Variants in EOGT observed in about 807,000 individuals in gnomAD.
EOGT encodes EGF domain-specific O-linked N-acetylglucosamine transferase.
A neutral mutation model predicts 70.5 loss-of-function variants in EOGT; 55 were observed. The observed-to-expected ratio is 0.78, with a 90% confidence interval of 0.63 to 0.98. The LOEUF (loss-of-function observed/expected upper bound fraction) is 0.98, where lower values mean the gene tolerates loss of function less well. Among genes scored for constraint, EOGT ranks in the 50% least tolerant of loss-of-function variants. The pLI is 0.00. For synonymous variants in EOGT, 246 were observed against 217.1 expected, an observed-to-expected ratio of 1.13 and a Z score of -1.17; for missense variants, 703 against 641.9, an observed-to-expected ratio of 1.10 and a Z score of -1.03.
intron 17 of EOGT, 140 bp from the exon 18 acceptor site, chr3:68,977,904 C>T (rs1378710212): frequency 1.3e-6 from 1 of 798,862 alleles, no homozygotes; most frequent in African/African-American, 1.8e-5. Flanking sequence ...CTGATAAGGG[C>T]CAGATGATAA....
chr3:68,982,880 A>T lies in EOGT; in HGVS notation c.1153-8T>A, dbSNP rs777351278. The T allele has an allele frequency of 6.3e-7, 1 of 1,597,324 alleles. No homozygotes were observed. Among genetic ancestry groups the T allele is most frequent in the Admixed American group, 1.7e-5 (1 of 58,092 alleles). On this transcript the variant is annotated splice_polypyrimidine_tract_variant and splice_region_variant and intron_variant, in intron 14 of 17. Coordinates refer to ENST00000383701, the MANE Select transcript of EOGT (RefSeq NM_001278689.2). ...TTTCAGTGCATTTACAAGCTGGGAA[A>T]AAAAGAGAAACATTTAGCATTTCTT...
At position 68,992,905 on chromosome 3, in the gene EOGT, C is replaced by T. The variant is rs2091035952; in HGVS notation, c.832-3888G>A. Among the ~76,000 whole-genome samples, 3 of 152,356 alleles carry T rather than the reference C, an allele frequency of 2.0e-5. 1 individual carries two copies. The South Asian group carries it at 6.2e-4, about 32-fold the overall frequency. On this transcript the variant is annotated intron_variant, in intron 10 of 17. Coordinates refer to ENST00000383701, the MANE Select transcript of EOGT (RefSeq NM_001278689.2). ...TTGGGGCTTCCACCCTCTGAAGCCACAGCCTGAGCTGTACATTGGCTCCTT... is the reference window on the plus strand; with the variant it reads ...TTGGGGCTTCCACCCTCTGAAGCCATAGCCTGAGCTGTACATTGGCTCCTT...
chr3:69,011,428 C>A (rs2091572852), intron 3 of EOGT, among the ~76,000 whole-genome samples: 1 of 151,306 alleles, frequency 6.6e-6, no homozygotes, highest in South Asian at 2.1e-4. Context: ...GAGTTCGAGA[C>A]CAGCTTGGGC....
intron 14 of EOGT, among the ~76,000 whole-genome samples, chr3:68,984,492 A>T (rs1034640327): frequency 5.3e-5 from 8 of 152,194 alleles, no homozygotes; most frequent in Non-Finnish European, 1.0e-4. Flanking sequence ...TGGCTATTCA[A>T]ACCCTAAAGT....
At chr3:69,004,263 G>T in intron 8 of EOGT, 115 bp downstream of exon 8, 1 of 760,218 alleles carries the variant, frequency 1.3e-6, no homozygotes, top group Non-Finnish European at 2.2e-6. Flanking sequence ...AGAAGCTCAT[G>T]CCAAATTATG....
At chr3:68,982,758 G>T in intron 15 of EOGT, 53 bp downstream of exon 15, 1 of 1,398,218 alleles carries the variant, frequency 7.2e-7, no homozygotes. Flanking sequence ...TAGCCCCCTT[G>T]ACCTCATCCA....
At chr3:68,985,234 G>A (rs2033773) in intron 14 of EOGT, among the ~76,000 whole-genome samples, 1 of 151,892 alleles carries the variant, frequency 6.6e-6, no homozygotes, top group Non-Finnish European at 1.5e-5. Flanking sequence ...TGATACGTTC[G>A]TATTTCTAGG....
intron 16 of EOGT, among the ~76,000 whole-genome samples, chr3:68,979,260 G>T (rs2090563312): frequency 6.6e-6 from 1 of 152,200 alleles, no homozygotes; most frequent in African/African-American, 2.4e-5. Flanking sequence ...CTGTGTATGG[G>T]ATCAGCAAGC....
chr3:68,990,211 C>T (rs2090951068), intron 10 of EOGT, among the ~76,000 whole-genome samples: 1 of 152,112 alleles, frequency 6.6e-6, no homozygotes, highest in Non-Finnish European at 1.5e-5. Flanking sequence ...GAAACTGAGA[C>T]ACAATTTTAA....
intron 10 of EOGT, among the ~76,000 whole-genome samples, chr3:68,993,373 G>A (rs1004609174): frequency 6.6e-5 from 10 of 152,032 alleles, no homozygotes; most frequent in Non-Finnish European, 1.2e-4. Flanking sequence ...TCTAGGGCAC[G>A]GCAAAATGCT....
At chr3:69,013,205 T>C (rs1054081985) in intron 1 of EOGT, among the ~76,000 whole-genome samples, 8 of 151,622 alleles carry the variant, frequency 5.3e-5, no homozygotes, top group Non-Finnish European at 1.2e-4. Context: ...GGGTCGGTGA[T>C]CTCCCGGGGC....
intron 8 of EOGT, among the ~76,000 whole-genome samples, chr3:69,002,895 T>G (rs890667381): frequency 6.6e-6 from 1 of 152,220 alleles, no homozygotes; most frequent in African/African-American, 2.4e-5. Flanking sequence ...CTTGAACTCC[T>G]GGCTTCAAGT....
chr3:69,013,465 C>T (rs1024608290), intron 1 of EOGT, 109 bp downstream of exon 1: 2 of 152,362 alleles, frequency 1.3e-5, no homozygotes, highest in Non-Finnish European at 2.9e-5. Context: ...TATAGCCCTC[C>T]GGGAAGCCGC....
chr3:68,979,406 T>C lies in EOGT; in HGVS notation c.1334+262A>G, dbSNP rs150852208. Among the ~76,000 whole-genome samples, 365 of 152,318 alleles carry C rather than the reference T, an allele frequency of 2.4e-3. 2 individuals carry two copies. Among genetic ancestry groups the C allele is most frequent in the Non-Finnish European group, 2.6e-3 (179 of 68,028 alleles). ...GAGGTATGCAGGAACAAACTCAGAA[T>C]AAGGAAACCACAGATTCACATCTTC... On this transcript the variant is annotated intron_variant, in intron 16 of 17. Coordinates refer to ENST00000383701, the MANE Select transcript of EOGT (RefSeq NM_001278689.2).
intron 9 of EOGT, among the ~76,000 whole-genome samples, chr3:69,000,006 G>A (rs1477730269): frequency 6.6e-6 from 1 of 152,150 alleles, no homozygotes; most frequent in African/African-American, 2.4e-5. Flanking sequence ...GGGATCACTT[G>A]AGCCCAGGAG....
At chr3:68,982,210 G>A (rs1229836480) in intron 15 of EOGT, among the ~76,000 whole-genome samples, 1 of 152,128 alleles carries the variant, frequency 6.6e-6, no homozygotes, top group Non-Finnish European at 1.5e-5. Context: ...TGGCCAGTCT[G>A]CCAATTTTTT....
intron 10 of EOGT, among the ~76,000 whole-genome samples, chr3:68,992,880 T>G (rs1325206331): frequency 6.6e-6 from 1 of 152,204 alleles, no homozygotes; most frequent in Admixed American, 6.5e-5. Flanking sequence ...CTGCCAAGGC[T>G]TGGGGCTTCC....
chr3:68,993,439 G>C (rs1011395478), intron 10 of EOGT, among the ~76,000 whole-genome samples: 1 of 152,122 alleles, frequency 6.6e-6, no homozygotes, highest in Non-Finnish European at 1.5e-5. Flanking sequence ...TTCCCAACAG[G>C]TTCCTCATCT....
chr3:69,000,705 G>C (rs2091272346), intron 9 of EOGT, among the ~76,000 whole-genome samples: 2 of 152,148 alleles, frequency 1.3e-5, no homozygotes, highest in African/African-American at 4.8e-5. Flanking sequence ...TAATGAAAGA[G>C]ATAATATAGT....
Sources: gnomAD v4.1 joint callset for allele counts (sites outside exome capture counted in the v4.1 genomes callset) on GRCh38, gnomAD v4.1.1 for gene constraint, MANE v1.5 for transcripts, NCBI Gene and HGNC (gene_info 2026-07-23, HGNC 2026-07-21) for gene names.